The following RSPH14 variants were observed in gnomAD, a reference collection of about 807,000 sequenced individuals.
RSPH14 encodes the protein radial spoke head 14 homolog.
Under a neutral mutation model 26.7 loss-of-function variants are expected in RSPH14, and 20 were observed. That is an observed-to-expected ratio of 0.75 (90% CI 0.53 to 1.09). RSPH14 has a LOEUF of 1.09. Ranked by LOEUF, RSPH14 falls within the 50% of genes least tolerant of loss-of-function variation. The probability of loss-of-function intolerance (pLI) is 0.00; values close to 1 mark genes in which losing one functional copy is unlikely to be tolerated. For missense variants in RSPH14, 449 were observed against 457.2 expected, an observed-to-expected ratio of 0.98 and a Z score of 0.16; for synonymous variants, 177 against 189.3, an observed-to-expected ratio of 0.93 and a Z score of 0.53.
chr22:23,121,228 T>G (rs1339693717), intron 4 of RSPH14, among the ~76,000 whole-genome samples: 1 of 152,192 alleles, frequency 6.6e-6, no homozygotes, highest in Non-Finnish European at 1.5e-5. Context: ...CTCCTGTTAT[T>G]CCGAAGCTCA....
At chr22:23,127,389 C>T (rs1467804055) in intron 4 of RSPH14, among the ~76,000 whole-genome samples, 1 of 152,246 alleles carries the variant, frequency 6.6e-6, no homozygotes, top group Non-Finnish European at 1.5e-5. Flanking sequence ...CCACCAAAGA[C>T]TGTCAGGCTG....
At chr22:23,082,300 T>TCCG (rs1182608225) in intron 4 of RSPH14, among the ~76,000 whole-genome samples, 2 of 151,212 alleles carry the variant, frequency 1.3e-5, no homozygotes, top group Admixed American at 1.3e-4. Context: ...CACTGCAACC[T>TCCG]CCGCCTCCCA....
chr22:23,155,363 G>A, the RSPH14 span, among the ~76,000 whole-genome samples: 15 of 152,236 alleles, frequency 9.9e-5, no homozygotes, highest in Non-Finnish European at 1.3e-4. Context: ...ATCATTAATC[G>A]ATTGTTGTAC....
In RSPH14 at chr22:23,079,596, G is replaced by A. The variant is rs1601757690; in HGVS notation, c.422-15463C>T. Among the ~76,000 whole-genome samples, 9 of 152,188 alleles carry A rather than the reference G, an allele frequency of 5.9e-5. No individual in the cohort carries two copies. In the South Asian group the frequency reaches 1.9e-3, roughly 31 times the overall value. The stretch of plus-strand genomic sequence containing the variant: ...AAACATGAGAAGGTTTCAAGCACAA[G>A]TGAGACATACTCTGCCTCATTTTTA... On this transcript the variant is annotated intron_variant, in intron 4 of 6. Transcript: ENST00000216036.
At chr22:23,092,776 C>G (rs1413311342) in intron 4 of RSPH14, among the ~76,000 whole-genome samples, 1 of 152,240 alleles carries the variant, frequency 6.6e-6, no homozygotes, top group African/African-American at 2.4e-5. Flanking sequence ...GCACAAATCA[C>G]ACATCCTTGG....
chr22:23,156,094 A>G, the RSPH14 span: 13 of 1,466,692 alleles, frequency 8.9e-6, no homozygotes, highest in Non-Finnish European at 1.2e-5. Context: ...GCCGGGCTCC[A>G]CAGTGGGAAT....
intron 4 of RSPH14, among the ~76,000 whole-genome samples, chr22:23,077,981 C>T (rs1041667562): frequency 6.6e-6 from 1 of 152,226 alleles, no homozygotes; most frequent in Non-Finnish European, 1.5e-5. Flanking sequence ...TCCTGCCCAG[C>T]TCTGCATGGC....
intron 1 of RSPH14, among the ~76,000 whole-genome samples, chr22:23,141,327 CAAAAAAAAAA>C (rs35460609): frequency 1.2e-5 from 1 of 82,322 alleles, no homozygotes; most frequent in Non-Finnish European, 2.4e-5. Flanking sequence ...GACTCCGTCT[CAAAAAAAAAA>C]AAAAAAAAAA....
At chr22:23,135,266 G>A (rs1376039964) in intron 3 of RSPH14, among the ~76,000 whole-genome samples, 3 of 143,290 alleles carry the variant, frequency 2.1e-5, no homozygotes, top group Non-Finnish European at 4.5e-5. Flanking sequence ...TAGGTCAGGA[G>A]ATCGAGACCA....
At chr22:23,130,285 T>G (rs1401912934) in intron 4 of RSPH14, among the ~76,000 whole-genome samples, 1 of 148,356 alleles carries the variant, frequency 6.7e-6, no homozygotes, top group African/African-American at 2.5e-5. Context: ...GAAACCCCGT[T>G]TCTACTAAAA....
At position 23,121,836 on chromosome 22, in the gene RSPH14, C is replaced by T. The variant is rs556205074; in HGVS notation, c.421+12190G>A. Among the ~76,000 whole-genome samples, 511 of 152,062 alleles carry T rather than the reference C, an allele frequency of 3.4e-3. 2 individuals are homozygous for T. The highest frequency in any genetic ancestry group is 0.012 in the African/African-American group (486 of 41,472). On this transcript the variant is annotated intron_variant, in intron 4 of 6. Coordinates refer to ENST00000216036, the MANE Select transcript of RSPH14 (RefSeq NM_014433.3). ...TCCCGGGTTCAAGTGATTCTCCTGC[C>T]CCAGCCTCCCAAGGAGCTGGGATTA...
chr22:23,080,246 A>G (rs1403886580), intron 4 of RSPH14, among the ~76,000 whole-genome samples: 3 of 152,214 alleles, frequency 2.0e-5, no homozygotes, highest in Non-Finnish European at 4.4e-5. Flanking sequence ...CTCAGGCGAC[A>G]CTATCACCCT....
At chr22:23,143,855 C>A (rs2070648977), upstream of RSPH14, among the ~76,000 whole-genome samples, 1 of 152,154 alleles carries the variant, frequency 6.6e-6, no homozygotes, top group Admixed American at 6.5e-5. Context: ...CTTTGGGAAG[C>A]CAAGGCCGGC....
intron 4 of RSPH14, among the ~76,000 whole-genome samples, chr22:23,087,724 G>C (rs1417692700): frequency 1.3e-5 from 2 of 152,176 alleles, no homozygotes; most frequent in African/African-American, 4.8e-5. Context: ...AATTGAAACT[G>C]TCTTCTTGTT....
upstream of RSPH14, chr22:23,142,059 T>A (rs1397457909): frequency 1.0e-6 from 1 of 982,948 alleles, no homozygotes; most frequent in Non-Finnish European, 1.2e-6. Flanking sequence ...GGCGCCGCGG[T>A]CGACATAATC....
the RSPH14 span, among the ~76,000 whole-genome samples, chr22:23,174,426 ATAAAT>A: frequency 6.6e-6 from 1 of 152,108 alleles, no homozygotes; most frequent in South Asian, 2.1e-4. Context: ...AAGTAAATAA[ATAAAT>A]AATAGAATCA....
At chr22:23,098,628 G>A (rs191917892) in intron 4 of RSPH14, among the ~76,000 whole-genome samples, 1 of 152,372 alleles carries the variant, frequency 6.6e-6, no homozygotes, top group African/African-American at 2.4e-5. Context: ...GGAAGTGGTT[G>A]TTCACCAGAA....
intron 4 of RSPH14, among the ~76,000 whole-genome samples, chr22:23,094,572 G>GC (rs894329219): frequency 9.8e-5 from 15 of 152,300 alleles, no homozygotes; most frequent in East Asian, 7.7e-4. Flanking sequence ...CTCAGCCCAA[G>GC]CCCCCCTCTA....
At chr22:23,166,147 TAAAAAA>T in the RSPH14 span, among the ~76,000 whole-genome samples, 2,535 of 59,874 alleles carry the variant, frequency 0.042, 191 homozygotes, top group African/African-American at 0.17. Flanking sequence ...CTCTGTCTTT[TAAAAAA>T]AAAAAAAAAA....
Sources: allele counts gnomAD v4.1 joint callset (sites outside exome capture counted in the v4.1 genomes callset), GRCh38; gene constraint gnomAD v4.1.1; transcripts MANE v1.5; gene names NCBI Gene and HGNC (gene_info 2026-07-23, HGNC 2026-07-21).